Variants in BRAT1 observed in about 807,000 individuals in gnomAD.
BRAT1 encodes BRCA1 associated ATM activator 1.
A neutral mutation model predicts 70.6 loss-of-function variants in BRAT1; 74 were observed. The observed-to-expected ratio is 1.05, with a 90% CI of 0.87 to 1.27. BRAT1 has a LOEUF of 1.27. Ranked by LOEUF, BRAT1 falls within the 50% of genes most tolerant of loss-of-function variation. The probability of loss-of-function intolerance (pLI) is 0.00; values close to 1 mark genes in which losing one functional copy is unlikely to be tolerated. For synonymous variants in BRAT1, 615 were observed against 517.1 expected, an observed-to-expected ratio of 1.19 and a Z score of -2.57; for missense variants, 1,203 against 1,098.2, an observed-to-expected ratio of 1.10 and a Z score of -1.35.
chr7:2,547,563 C>A (rs2128403886), intron 2 of BRAT1, 85 bp from the exon 3 acceptor site: 1 of 1,458,742 alleles, frequency 6.9e-7, no homozygotes. Flanking sequence ...TAGCAATTCC[C>A]AGACCCTTTT....
rs1047615442 is a variant in BRAT1, at chr7:2,538,597, C to T, written c.1938G>A (p.Leu646=). The change falls in exon 14 of 14, where the codon CTG becomes CTA. Residue 646 remains leucine, a synonymous_variant. Coordinates refer to ENST00000340611, the MANE Select transcript of BRAT1 (RefSeq NM_152743.4). The part of the protein sequence containing the change: ...ATVLQAASRD[L]DWEVRAQGLE... ...GGCCCTGGGCGCGGACCTCCCAGTC[C>T]AGGTCTCGGCTCGCCGCCTGCAGCA... 9 of 1,599,178 alleles carry T rather than the reference C, an allele frequency of 5.6e-6. No homozygotes were observed. Among genetic ancestry groups the T allele is most frequent in the Non-Finnish European group, 7.6e-6 (9 of 1,178,934 alleles).
In BRAT1 at chr7:2,540,642, T is replaced by C. The variant is rs370680025; in HGVS notation, c.1395+337A>G. ...CGTGAGGGGCTGTGGAGTAGGCACA[T>C]TCACAAATGGCGCTTAGGAGAACCC... On this transcript the variant is annotated intron_variant, in intron 10 of 13. Coordinates refer to ENST00000340611, the MANE Select transcript of BRAT1 (RefSeq NM_152743.4). The C allele has an allele frequency of 6.1e-5, 16 of 263,982 alleles. No homozygotes were observed. In the South Asian group the frequency reaches 6.9e-4, roughly 11 times the overall value. The allele number at this position is 263,982 out of a possible 1,614,324, so 16.4% of individuals were successfully genotyped here.
At chr7:2,552,106 A>ATATATATATATATT (rs1245262304) in intron 2 of BRAT1, among the ~76,000 whole-genome samples, 16 of 14,210 alleles carry the variant, frequency 1.1e-3, no homozygotes, top group Admixed American at 6.8e-3. Context: ...ATATATATAT[A>ATATATATATATATT]TTTTTTTTTT....
rs1173041409 is a variant in BRAT1, at chr7:2,538,282, G to T, written c.2253C>A (p.Thr751=). Residue 751 remains threonine, a synonymous_variant, in exon 14 of 14, where the codon ACC becomes ACA. Coordinates refer to ENST00000340611, the MANE Select transcript of BRAT1 (RefSeq NM_152743.4). ...GCTCACCCGCCCGCCACCTCGGCAG[G>T]GTGGCCTCTGCGGAGGCAGTGTTGG... ...GSPNTASAEA[T]LPRWRAGEQA... The T allele has an allele frequency of 6.2e-7, 1 of 1,612,142 alleles. No homozygotes were observed. The highest frequency in any genetic ancestry group is 1.3e-5 in the African/African-American group (1 of 74,944).
Position 2,543,096 on chromosome 7 carries a change from T to TGTC in BRAT1, c.923+105_923+107dup. 1 of 1,396,484 alleles carries TGTC rather than the reference T, an allele frequency of 7.2e-7. No individual in the cohort carries two copies. Among genetic ancestry groups the TGTC allele is most frequent in the African/African-American group, 1.5e-5 (1 of 67,838 alleles). 86.5% of individuals were successfully genotyped at this position (1,396,484 alleles called of 1,614,324 possible). ...GTCACACCCCGCACGGCCGCCTGACTGTCCCTGGTGTCCGGAACTCCCCTG... is the reference window on the plus strand; with the variant it reads ...GTCACACCCCGCACGGCCGCCTGACTGTCGTCCCTGGTGTCCGGAACTCCCCTG... On this transcript the variant is annotated intron_variant, in intron 6 of 13. Coordinates refer to ENST00000340611, the MANE Select transcript of BRAT1 (RefSeq NM_152743.4). This position sits in a 1 kb window ranked among gnomAD's most constrained non-coding sequence, Gnocchi z 5.5.
chr7:2,554,372 C>G lies in BRAT1; in HGVS notation c.60G>C (p.Arg20Ser). The change falls in exon 2 of 14, where the codon AGG becomes AGC. Residue 20 changes from arginine to serine, a missense_variant. Arg to Ser is a moderately radical substitution (Grantham distance 110, BLOSUM62 -1). Transcript: ENST00000340611. ...AACAGGTGTCATCTGCCACCGGCTG[C>G]CTGGGATCTACCAGAACAGCACAGA... The part of the protein sequence containing the change: ...PALCAVLVDP[R>S]QPVADDTCLE... The G allele has an allele frequency of 6.2e-7, 1 of 1,614,090 alleles. No homozygotes were observed. Among genetic ancestry groups the G allele is most frequent in the Non-Finnish European group, 8.5e-7 (1 of 1,179,956 alleles).
Position 2,543,899 on chromosome 7 carries a change from C to T in BRAT1, c.494G>A (p.Ser165Asn). 6.2e-7 allele frequency: 1 copy of T among 1,608,556 alleles called. No homozygotes were observed. Among genetic ancestry groups the T allele is most frequent in the Non-Finnish European group, 8.5e-7 (1 of 1,176,786 alleles). ...DSSLFVASAASQLLVHVLALS... is the reference protein window; with the variant it reads ...DSSLFVASAANQLLVHVLALS... ...AGCCAGGACGTGCACCAGGAGCTGA[C>T]TGGCCGCCGAGGCCACAAACAGGCT... Residue 165 changes from serine (S) to asparagine (N), a missense_variant, in exon 5 of 14, where the codon AGT becomes AAT. Coordinates refer to ENST00000340611, the MANE Select transcript of BRAT1 (RefSeq NM_152743.4). The surrounding 1 kb of genome is among the most constrained non-coding windows in gnomAD (Gnocchi z 5.5).
At chr7:2,554,700 G>T (rs1417837504) in intron 1 of BRAT1, among the ~76,000 whole-genome samples, 1 of 152,212 alleles carries the variant, frequency 6.6e-6, no homozygotes, top group Non-Finnish European at 1.5e-5. Flanking sequence ...AAACCACAAG[G>T]CCTCCGGAAC....
intron 2 of BRAT1, among the ~76,000 whole-genome samples, chr7:2,550,160 C>T (rs1196348708): frequency 7.4e-6 from 1 of 135,074 alleles, no homozygotes; most frequent in African/African-American, 2.9e-5. Flanking sequence ...GAGACCCTGT[C>T]TCCAAAAAAA....
rs1778896310 is a variant in BRAT1 at position 2,538,730 on chromosome 7, A to T, written c.1805T>A (p.Val602Glu). ...LFLELLHILSVDSEGFPRRAV... is the reference protein window; with the variant it reads ...LFLELLHILSEDSEGFPRRAV... Reference sequence around the variant, plus strand: ...CCGCCGTGGGAAGCCCTCCGAGTCTACGGAGAGGATGTGCAGGAGCTCCAG... The same window carrying T: ...CCGCCGTGGGAAGCCCTCCGAGTCTTCGGAGAGGATGTGCAGGAGCTCCAG... Residue 602 changes from valine to glutamate, a missense_variant, in exon 14 of 14, where the codon GTA becomes GAA. Coordinates refer to ENST00000340611, the MANE Select transcript of BRAT1 (RefSeq NM_152743.4). 1.3e-6 allele frequency: 2 copies of T among 1,598,422 alleles called. No homozygotes were observed. Among genetic ancestry groups the T allele is most frequent in the East Asian group, 4.5e-5 (2 of 44,872 alleles).
At chr7:2,544,747 T>G (rs1301121759) in intron 4 of BRAT1, among the ~76,000 whole-genome samples, 162 bp downstream of exon 4, 1 of 152,200 alleles carries the variant, frequency 6.6e-6, no homozygotes, top group Non-Finnish European at 1.5e-5. Context: ...GGGCCTGACC[T>G]GCCAACCAGA....
intron 3 of BRAT1, among the ~76,000 whole-genome samples, chr7:2,546,092 A>C (rs1779588708): frequency 6.6e-6 from 1 of 152,224 alleles, no homozygotes; most frequent in South Asian, 2.1e-4. Context: ...TGTCTGAGGC[A>C]CTTGAAGCTG....
rs746271368 is a variant in BRAT1 at position 2,541,669 on chromosome 7, C to T, written c.1134+49G>A. 8.4e-6 allele frequency: 13 copies of T among 1,555,674 alleles called. No individual in the cohort carries two copies. In the East Asian group the frequency reaches 2.8e-4, roughly 33 times the overall value. On this transcript the variant is annotated intron_variant, in intron 8 of 13. Coordinates refer to ENST00000340611, the MANE Select transcript of BRAT1 (RefSeq NM_152743.4). Reference sequence around the variant, plus strand: ...GGCGTCAGCCTACGTTGCGGTCCCACCGCCAGCGTGGATGCTGCTGGGCTG... The same window carrying T: ...GGCGTCAGCCTACGTTGCGGTCCCATCGCCAGCGTGGATGCTGCTGGGCTG...
chr7:2,554,271 G>A (rs551380899), intron 2 of BRAT1, 34 bp downstream of exon 2: 1 of 1,609,498 alleles, frequency 6.2e-7, no homozygotes, highest in East Asian at 2.2e-5. Context: ...TCTGGTCTCT[G>A]GATAGGCAGT....
chr7:2,538,684 A>G lies in BRAT1; in HGVS notation c.1851T>C (p.Thr617=). ...CGGCGTGGCCGTCCCGCAGCCACTC[A>G]GTGAAGACTTGCATGACCGCCCGCC... ...FPRRAVMQVF[T]EWLRDGHADA... Residue 617 remains threonine (T), a synonymous_variant, in exon 14 of 14, where the codon ACT becomes ACC. Coordinates refer to ENST00000340611, the MANE Select transcript of BRAT1 (RefSeq NM_152743.4). The G allele has an allele frequency of 6.3e-7, 1 of 1,598,452 alleles. No individual in the cohort carries two copies. Among genetic ancestry groups the G allele is most frequent in the South Asian group, 1.1e-5 (1 of 91,086 alleles).
At chr7:2,554,836 G>T (rs1780296526) in intron 1 of BRAT1, among the ~76,000 whole-genome samples, 2 of 152,204 alleles carry the variant, frequency 1.3e-5, no homozygotes, top group Admixed American at 6.5e-5. Context: ...GCAAGGGGAT[G>T]TCTACCCATG....
chr7:2,543,348 A>C lies in BRAT1; in HGVS notation c.804-25T>G, dbSNP rs766469928. 4.6e-5 allele frequency: 72 copies of C among 1,555,342 alleles called. 1 individual carries two copies. The highest frequency in any genetic ancestry group is 5.8e-5 in the Non-Finnish European group (67 of 1,150,942). On this transcript the variant is annotated intron_variant, in intron 5 of 13. Transcript: ENST00000340611. This position sits in a 1 kb window ranked among gnomAD's most constrained non-coding sequence, Gnocchi z 5.5. The stretch of plus-strand genomic sequence containing the variant: ...ACTGCAGGGAGACCCCAGAGAGAAA[A>C]ATTACTCCCCCACCCTCAAAACCCC...
At chr7:2,539,454 T>C in intron 12 of BRAT1, 90 bp downstream of exon 12, 1 of 1,502,956 alleles carries the variant, frequency 6.7e-7, no homozygotes, top group Non-Finnish European at 8.9e-7. Flanking sequence ...GGCCCAAGTT[T>C]CTAGAGCCAG....
At chr7:2,542,279 C>T in intron 6 of BRAT1, 68 bp from the exon 7 acceptor site, 2 of 1,329,036 alleles carry the variant, frequency 1.5e-6, no homozygotes, top group Non-Finnish European at 2.1e-6. Context: ...CTCCTAATGT[C>T]CCCAGCAAGC....
Sources: gnomAD v4.1 joint callset for allele counts (sites outside exome capture counted in the v4.1 genomes callset) on GRCh38, gnomAD v4.1.1 for gene constraint, Gnocchi (gnomAD v3.1) non-coding constraint, MANE v1.5 for transcripts, NCBI Gene and HGNC (gene_info 2026-07-23, HGNC 2026-07-21) for gene names.